Variants in LHPP observed in about 807,000 individuals in gnomAD.
LHPP encodes hLHPP.
Under a neutral mutation model 30.3 loss-of-function variants are expected in LHPP, and 24 were observed. That is an observed-to-expected ratio of 0.79 (90% CI 0.57 to 1.11). LHPP has a LOEUF of 1.11. LHPP is among the 50% of genes most tolerant of loss of function. The pLI is 0.00. For synonymous variants in LHPP, 150 were observed against 157.1 expected, an observed-to-expected ratio of 0.95 and a Z score of 0.34; for missense variants, 356 against 367.2, an observed-to-expected ratio of 0.97 and a Z score of 0.25.
intron 5 of LHPP, among the ~76,000 whole-genome samples, chr10:124,506,263 A>AC (rs539116106): frequency 0.14 from 12,326 of 85,960 alleles, 686 homozygotes; most frequent in South Asian, 0.32. Context: ...AAAACAACAA[A>AC]CCCCCCCCCC....
chr10:124,594,684 G>T (rs1948921361), intron 6 of LHPP, among the ~76,000 whole-genome samples: 1 of 149,500 alleles, frequency 6.7e-6, no homozygotes, highest in African/African-American at 2.5e-5. Flanking sequence ...AGGCTGGAAT[G>T]CAGTGGTGTG....
At chr10:124,522,768 C>T (rs1165987468) in intron 6 of LHPP, among the ~76,000 whole-genome samples, 1 of 148,540 alleles carries the variant, frequency 6.7e-6, no homozygotes, top group Non-Finnish European at 1.5e-5. Context: ...GCCTGCCTGT[C>T]AAGGCAGCCC....
intron 6 of LHPP, among the ~76,000 whole-genome samples, chr10:124,557,830 A>G (rs1948329057): frequency 6.6e-6 from 1 of 152,028 alleles, no homozygotes; most frequent in African/African-American, 2.4e-5. Context: ...TAGGGATCCC[A>G]CCTGGGGGTC....
intron 1 of LHPP, among the ~76,000 whole-genome samples, chr10:124,466,488 GCT>G (rs2133808461): frequency 6.6e-6 from 1 of 152,218 alleles, no homozygotes; most frequent in East Asian, 1.9e-4. Context: ...ACAGAGTGTT[GCT>G]CTGTCACCCA....
At chr10:124,519,429 GA>G (rs1457265737) in intron 6 of LHPP, among the ~76,000 whole-genome samples, 1 of 152,108 alleles carries the variant, frequency 6.6e-6, no homozygotes, top group Non-Finnish European at 1.5e-5. Context: ...TCTTCATAAT[GA>G]TTTTTTTGGT....
chr10:124,490,104 G>C (rs550128116), intron 3 of LHPP: 1 of 172,250 alleles, frequency 5.8e-6, no homozygotes, highest in Non-Finnish European at 1.2e-5. Flanking sequence ...GTCTCTGTCT[G>C]TGGTTGTCTC....
At chr10:124,607,326 G>C (rs1245456765) in intron 6 of LHPP, among the ~76,000 whole-genome samples, 1 of 152,234 alleles carries the variant, frequency 6.6e-6, no homozygotes, top group Non-Finnish European at 1.5e-5. Flanking sequence ...GCCAGGAACA[G>C]GTCCCCTCCT....
chr10:124,463,828 T>C (rs1265240496), intron 1 of LHPP, among the ~76,000 whole-genome samples: 2 of 134,698 alleles, frequency 1.5e-5, no homozygotes, highest in African/African-American at 7.1e-5. Context: ...TTCTTTTTTT[T>C]TTTTTTTTTT....
At chr10:124,537,965 G>A (rs961490999) in intron 6 of LHPP, among the ~76,000 whole-genome samples, 7 of 152,218 alleles carry the variant, frequency 4.6e-5, no homozygotes, top group African/African-American at 1.4e-4. Context: ...TTGGGGGTTC[G>A]GTGGTGTCCT....
intron 3 of LHPP, among the ~76,000 whole-genome samples, chr10:124,494,576 G>A (rs1324530821): frequency 5.3e-5 from 8 of 152,184 alleles, no homozygotes; most frequent in Non-Finnish European, 1.0e-4. Context: ...GAGGGTCATG[G>A]CCTTTGAGGG....
chr10:124,522,444 T>C (rs975877560), intron 6 of LHPP, among the ~76,000 whole-genome samples: 3 of 152,168 alleles, frequency 2.0e-5, no homozygotes, highest in Non-Finnish European at 4.4e-5. Flanking sequence ...CATGATGCCA[T>C]GAGTCCTGCA....
rs1024678252 is a variant in LHPP at position 124,592,378 on chromosome 10, G to A, written c.717-20886G>A. Among the ~76,000 whole-genome samples, 1 of 152,144 alleles carries A rather than the reference G, an allele frequency of 6.6e-6. No individual in the cohort carries two copies. Among genetic ancestry groups the A allele is most frequent in the Admixed American group, 6.5e-5 (1 of 15,276 alleles). On this transcript the variant is annotated intron_variant, in intron 6 of 6. Coordinates refer to ENST00000368842, the MANE Select transcript of LHPP (RefSeq NM_022126.4). This position sits in a 1 kb window ranked among gnomAD's most constrained non-coding sequence, Gnocchi z 6.2. ...TCAGCTCTCGAACTGCAGCATACCC[G>A]AGCTCTTAAAGCACACTGGACCTAG...
intron 6 of LHPP, among the ~76,000 whole-genome samples, chr10:124,540,849 T>C (rs1414972397): frequency 6.6e-6 from 1 of 151,938 alleles, no homozygotes; most frequent in African/African-American, 2.4e-5. Flanking sequence ...CTCCCGGGAG[T>C]TGGATCCAGA....
chr10:124,520,493 T>C (rs2133915601), intron 6 of LHPP, among the ~76,000 whole-genome samples: 2 of 152,322 alleles, frequency 1.3e-5, no homozygotes, highest in South Asian at 4.1e-4. Flanking sequence ...GCTCCAGACA[T>C]GGAGTCACCT....
rs986245014 is a variant in LHPP, at chr10:124,592,959, C to T, written c.717-20305C>T. On this transcript the variant is annotated intron_variant, in intron 6 of 6. Transcript: ENST00000368842. This position sits in a 1 kb window ranked among gnomAD's most constrained non-coding sequence, Gnocchi z 6.2. ...TCCCGGGGGCCAGAATGAATGGACCCTCACTGGGCCGCTTTGACAGTTTAT... is the reference window on the plus strand; with the variant it reads ...TCCCGGGGGCCAGAATGAATGGACCTTCACTGGGCCGCTTTGACAGTTTAT... 2.6e-5 allele frequency among the ~76,000 whole-genome samples: 4 copies of T among 152,238 alleles called. No individual in the cohort carries two copies. The highest frequency in any genetic ancestry group is 2.0e-4 in the Admixed American group (3 of 15,290).
intron 6 of LHPP, among the ~76,000 whole-genome samples, chr10:124,530,705 G>A (rs1954879048): frequency 1.3e-5 from 2 of 152,110 alleles, no homozygotes; most frequent in African/African-American, 2.4e-5. Flanking sequence ...CAAGAACCAC[G>A]GGCTTGCTTT....
intron 3 of LHPP, among the ~76,000 whole-genome samples, chr10:124,495,650 C>T (rs1953681725): frequency 6.6e-6 from 1 of 152,188 alleles, no homozygotes; most frequent in Admixed American, 6.5e-5. Flanking sequence ...TCTCACACCC[C>T]AGGTGGTCAC....
chr10:124,529,186 T>C (rs2085176), intron 6 of LHPP, among the ~76,000 whole-genome samples: 147,091 of 151,768 alleles, frequency 0.97, 71,445 homozygotes, highest in East Asian at 1. Flanking sequence ...CACCCACCAC[T>C]ACCATGCCCA....
intron 6 of LHPP, among the ~76,000 whole-genome samples, chr10:124,591,215 C>T (rs965813592): frequency 3.3e-5 from 5 of 152,174 alleles, no homozygotes; most frequent in African/African-American, 1.2e-4. Flanking sequence ...TGGCTCCAGC[C>T]GGCATGGCCT....
Sources: allele counts gnomAD v4.1 joint callset (sites outside exome capture counted in the v4.1 genomes callset), GRCh38; gene constraint gnomAD v4.1.1; non-coding constraint Gnocchi (gnomAD v3.1); transcripts MANE v1.5; gene names NCBI Gene and HGNC (gene_info 2026-07-23, HGNC 2026-07-21).